The following CLDN12 variants were observed in gnomAD, a reference collection of about 807,000 sequenced individuals.
The protein encoded by CLDN12 is claudin 12, also known as claudin-12.
A neutral mutation model predicts 15.5 loss-of-function variants in CLDN12; 9 were observed. That is an observed-to-expected ratio of 0.58 (90% confidence interval 0.35 to 1.02). The LOEUF (loss-of-function observed/expected upper bound fraction) is 1.02. CLDN12 is among the 50% of genes least tolerant of loss of function. The pLI, the probability that CLDN12 is intolerant of heterozygous loss-of-function variation, is 0.02. For synonymous variants in CLDN12, 140 were observed against 121.6 expected (o/e 1.15, Z -1.00); for missense variants, 233 against 297.3 (o/e 0.78, Z 1.59).
At chr7:90,409,406 G>C (rs992863134) in intron 2 of CLDN12, among the ~76,000 whole-genome samples, 1 of 152,098 alleles carries the variant, frequency 6.6e-6, no homozygotes, top group Admixed American at 6.5e-5. Flanking sequence ...ATTTTTAGTA[G>C]AGATGGGGTT....
chr7:90,414,311 T>A lies in CLDN12; in HGVS notation c.*900T>A. 1 of 1,000,280 alleles carries A rather than the reference T, an allele frequency of 1.0e-6. No homozygotes were observed. Among genetic ancestry groups the A allele is most frequent in the Non-Finnish European group, 1.2e-6 (1 of 829,970 alleles). 62.0% of individuals were successfully genotyped at this position (1,000,280 alleles called of 1,614,324 possible). On this transcript the variant is annotated 3_prime_UTR_variant, in exon 4 of 4. Coordinates refer to ENST00000496677, the MANE Select transcript of CLDN12 (RefSeq NM_001185072.3). Reference sequence around the variant, plus strand: ...CAGTGAGTACACTAGAGATTTACTCTGGTGACTGCCTTTTGAGTTATGGGT... The same window carrying A: ...CAGTGAGTACACTAGAGATTTACTCAGGTGACTGCCTTTTGAGTTATGGGT...
At chr7:90,404,576 G>A (rs1341986206) in intron 1 of CLDN12, among the ~76,000 whole-genome samples, 1 of 152,050 alleles carries the variant, frequency 6.6e-6, no homozygotes, top group Non-Finnish European at 1.5e-5. Context: ...GCAGAATTCA[G>A]ATCAACTTTG....
chr7:90,410,519 T>C (rs1205407505), intron 2 of CLDN12, among the ~76,000 whole-genome samples: 2 of 152,222 alleles, frequency 1.3e-5, no homozygotes, highest in African/African-American at 2.4e-5. Flanking sequence ...CATAGGCATT[T>C]TTTTGGTTAG....
Position 90,405,524 on chromosome 7 carries a change from G to T in CLDN12, c.-161G>T, listed in dbSNP as rs963982658. ...TATTTTTCCTATTTCTTTAGGCTCA[G>T]ATTATTGCTACTCTGTATTCAGATC... On this transcript the variant is annotated 5_prime_UTR_variant, in exon 2 of 4. Coordinates refer to ENST00000496677, the MANE Select transcript of CLDN12 (RefSeq NM_001185072.3). 8.5e-5 allele frequency: 13 copies of T among 152,266 alleles called. No individual in the cohort carries two copies. Among genetic ancestry groups the T allele is most frequent in the African/African-American group, 2.6e-4 (11 of 41,546 alleles). The allele number at this position is 152,266 out of a possible 1,614,324, so 9.4% of individuals were successfully genotyped here.
intron 2 of CLDN12, among the ~76,000 whole-genome samples, chr7:90,407,683 A>G (rs898363187): frequency 6.6e-5 from 10 of 152,202 alleles, no homozygotes; most frequent in African/African-American, 2.4e-4. Context: ...CAGAAGAAAA[A>G]GTGCAAAAGT....
At position 90,413,493 on chromosome 7, in the gene CLDN12, C is replaced by T. The variant is rs140861444; in HGVS notation, c.*82C>T. ...CAAAGAGCTCTTTTGGACCTACATACATTTTCCTTTGTTTTTGACCAATCA... is the reference window on the plus strand; with the variant it reads ...CAAAGAGCTCTTTTGGACCTACATATATTTTCCTTTGTTTTTGACCAATCA... On this transcript the variant is annotated 3_prime_UTR_variant, in exon 4 of 4. Transcript: ENST00000496677. 1.2e-3 allele frequency: 1,834 copies of T among 1,530,368 alleles called. 13 individuals carry two copies. The African/African-American group carries it at 0.016, about 13-fold the overall frequency. 94.8% of individuals were successfully genotyped at this position (1,530,368 alleles called of 1,614,324 possible). A position where few individuals can be genotyped will look rare whatever the true frequency, so the allele number is the denominator to read the frequency against.
At position 90,414,181 on chromosome 7, in the gene CLDN12, G is replaced by A. The variant is rs966267349; in HGVS notation, c.*770G>A. 7.1e-5 allele frequency: 71 copies of A among 999,964 alleles called. No individual in the cohort carries two copies. Among genetic ancestry groups the A allele is most frequent in the South Asian group, 9.4e-5 (2 of 21,272 alleles). The allele number at this position is 999,964 out of a possible 1,614,324, so 61.9% of individuals were successfully genotyped here. ...AGATATCTTCCATCAAGCAGTACTC[G>A]TGCCCATATACAATCTCTTAGTGGC... On this transcript the variant is annotated 3_prime_UTR_variant, in exon 4 of 4. Coordinates refer to ENST00000496677, the MANE Select transcript of CLDN12 (RefSeq NM_001185072.3).
Position 90,414,951 on chromosome 7 carries a change from A to G in CLDN12, c.*1540A>G, listed in dbSNP as rs1378687437. The G allele has an allele frequency of 1.2e-5, 2 of 167,036 alleles. No homozygotes were observed. Among genetic ancestry groups the G allele is most frequent in the African/African-American group, 4.8e-5 (2 of 41,462 alleles). The allele number at this position is 167,036 out of a possible 1,614,324, so 10.3% of individuals were successfully genotyped here. On this transcript the variant is annotated 3_prime_UTR_variant, in exon 4 of 4. Transcript: ENST00000496677. ...TTTGAGCTGCTTATTTAATTGGTGT[A>G]ATTTACTACATATTAGTACTATATT... is the stretch of plus-strand genomic sequence containing the variant.
rs148668482 is a variant in CLDN12 at position 90,413,270 on chromosome 7, A to G, written c.594A>G (p.Thr198=). 12 of 1,614,026 alleles carry G rather than the reference A, an allele frequency of 7.4e-6. No individual in the cohort carries two copies. The Admixed American group carries it at 1.0e-4, about 13-fold the overall frequency. The change falls in exon 4 of 4, where the codon ACA becomes ACG. Residue 198 remains threonine, a synonymous_variant. Coordinates refer to ENST00000496677, the MANE Select transcript of CLDN12 (RefSeq NM_001185072.3). ...TTATACTATTTATTTGGTATTGTAC[A>G]TGCAAATCTTTGCCTTCTCCTTTCT... ...TSLILFIWYC[T]CKSLPSPFWQ...
Position 90,414,206 on chromosome 7 carries a change from C to T in CLDN12, c.*795C>T. 1 of 1,000,078 alleles carries T rather than the reference C, an allele frequency of 1.0e-6. No homozygotes were observed. The highest frequency in any genetic ancestry group is 1.2e-6 in the Non-Finnish European group (1 of 829,956). The allele number at this position is 1,000,078 out of a possible 1,614,324, so 62.0% of individuals were successfully genotyped here. A position where few individuals can be genotyped will look rare whatever the true frequency, so the allele number is the denominator to read the frequency against. On this transcript the variant is annotated 3_prime_UTR_variant, in exon 4 of 4. Coordinates refer to ENST00000496677, the MANE Select transcript of CLDN12 (RefSeq NM_001185072.3). Reference sequence around the variant, plus strand: ...GTGCCCATATACAATCTCTTAGTGGCTAGGAGAAATAAATAAAAGGGCCAT... The same window carrying T: ...GTGCCCATATACAATCTCTTAGTGGTTAGGAGAAATAAATAAAAGGGCCAT...
Position 90,412,638 on chromosome 7 carries a change from C to A in CLDN12, c.-33-6C>A. ...ATGATTTGTCCTCTTGTGTGTCACC[C>A]CCTAGTCTGACTGACAGTACTCCAC... is the stretch of plus-strand genomic sequence containing the variant. On this transcript the variant is annotated splice_region_variant and splice_polypyrimidine_tract_variant and intron_variant, in intron 3 of 3. Coordinates refer to ENST00000496677, the MANE Select transcript of CLDN12 (RefSeq NM_001185072.3). 2 of 1,585,726 alleles carry A rather than the reference C, an allele frequency of 1.3e-6. No homozygotes were observed. The highest frequency in any genetic ancestry group is 1.7e-6 in the Non-Finnish European group (2 of 1,166,638).
Position 90,413,523 on chromosome 7 carries a change from A to C in CLDN12, c.*112A>C. ...TCCTTTGTTTTTGACCAATCAATGAAGCCAAATTTATATGTCCTAGTAGAA... is the reference window on the plus strand; with the variant it reads ...TCCTTTGTTTTTGACCAATCAATGACGCCAAATTTATATGTCCTAGTAGAA... On this transcript the variant is annotated 3_prime_UTR_variant, in exon 4 of 4. Transcript: ENST00000496677. The C allele has an allele frequency of 6.7e-7, 1 of 1,499,138 alleles. No homozygotes were observed. Among genetic ancestry groups the C allele is most frequent in the Non-Finnish European group, 8.9e-7 (1 of 1,126,856 alleles). The allele number at this position is 1,499,138 out of a possible 1,614,324, so 92.9% of individuals were successfully genotyped here.
rs113093241 is a variant in CLDN12 at position 90,409,993 on chromosome 7, C to T, written c.-76-2014C>T. On this transcript the variant is annotated intron_variant, in intron 2 of 3. Transcript: ENST00000496677. ...TACTTCCTTGTACAGTTCTTCATTACCAGTGGCCCACCTTTGTGAGTTACT... is the reference window on the plus strand; with the variant it reads ...TACTTCCTTGTACAGTTCTTCATTATCAGTGGCCCACCTTTGTGAGTTACT... Among the ~76,000 whole-genome samples, 99 of 152,284 alleles carry T rather than the reference C, an allele frequency of 6.5e-4. 1 individual carries two copies. Among genetic ancestry groups the T allele is most frequent in the African/African-American group, 2.3e-3 (97 of 41,556 alleles).
intron 2 of CLDN12, among the ~76,000 whole-genome samples, chr7:90,406,971 A>C (rs539874657): frequency 6.6e-6 from 1 of 152,300 alleles, no homozygotes; most frequent in Admixed American, 6.5e-5. Context: ...ATAAATATTA[A>C]TTTGATATAT....
rs34378679 is a variant in CLDN12 at position 90,413,024 on chromosome 7, G to A, written c.348G>A (p.Ser116=). 1.2e-3 allele frequency: 1,951 copies of A among 1,614,066 alleles called. 16 individuals are homozygous for A. The African/African-American group carries it at 0.016, about 13-fold the overall frequency. Residue 116 remains serine (S), a synonymous_variant, in exon 4 of 4, where the codon TCG becomes TCA. Transcript: ENST00000496677. ...IGMCNTAFRS[S]VPNIKLAKCL... is the part of the protein sequence containing the mutation. ...TGTGCAACACTGCCTTCAGGTCCTC[G>A]GTGCCCAACATCAAACTGGCCAAGT...
In CLDN12 at chr7:90,413,925, A is replaced by T; in HGVS notation, c.*514A>T. On this transcript the variant is annotated 3_prime_UTR_variant, in exon 4 of 4. Transcript: ENST00000496677. The stretch of plus-strand genomic sequence containing the variant: ...GGGGCTAATTGTATGAATAGGTGTC[A>T]GTATGTTGAAGATTACTTTCTTTTG... 1 of 997,176 alleles carries T rather than the reference A, an allele frequency of 1.0e-6. No homozygotes were observed. Among genetic ancestry groups the T allele is most frequent in the Non-Finnish European group, 1.2e-6 (1 of 827,624 alleles). 61.8% of individuals were successfully genotyped at this position (997,176 alleles called of 1,614,324 possible).
chr7:90,413,142 T>C lies in CLDN12; in HGVS notation c.466T>C (p.Phe156Leu). The C allele has an allele frequency of 6.2e-7, 1 of 1,614,238 alleles. No individual in the cohort carries two copies. The highest frequency in any genetic ancestry group is 8.5e-7 in the Non-Finnish European group (1 of 1,180,046). ...VSLSPSIWVI[F>L]YNIHLNKKFE... is the part of the protein sequence containing the mutation. The stretch of plus-strand genomic sequence containing the variant: ...CCTCTCCCCATCTATCTGGGTCATC[T>C]TTTATAACATCCATCTGAACAAGAA... Residue 156 changes from phenylalanine to leucine, a missense_variant, in exon 4 of 4, where the codon TTT (phenylalanine) becomes CTT (leucine). By Grantham distance (22) the Phe-to-Leu change is conservative (BLOSUM62 0). Transcript: ENST00000496677.
intron 1 of CLDN12, among the ~76,000 whole-genome samples, chr7:90,404,546 C>G (rs1243325334): frequency 6.6e-6 from 1 of 151,908 alleles, no homozygotes; most frequent in Non-Finnish European, 1.5e-5. Context: ...TTTAAGCATT[C>G]TGGTTGCAAA....
Position 90,412,644 on chromosome 7 carries a change from TCTGA to T in CLDN12, c.-27_-24del. The T allele has an allele frequency of 6.3e-7, 1 of 1,589,810 alleles. No individual in the cohort carries two copies. On this transcript the variant is annotated splice_region_variant and 5_prime_UTR_variant, in exon 4 of 4. Transcript: ENST00000496677. ...TGTCCTCTTGTGTGTCACCCCCTAGTCTGACTGACAGTACTCCACAAGCTTGCCT... is the reference window on the plus strand; with the variant it reads ...TGTCCTCTTGTGTGTCACCCCCTAGTCTGACAGTACTCCACAAGCTTGCCT...
Sources: allele counts gnomAD v4.1 joint callset (sites outside exome capture counted in the v4.1 genomes callset), GRCh38; gene constraint gnomAD v4.1.1; transcripts MANE v1.5; gene names NCBI Gene and HGNC (gene_info 2026-07-23, HGNC 2026-07-21).